Variants in STRN4 observed in about 807,000 individuals in gnomAD.
STRN4 encodes the protein striatin 4, also known as striatin-4.
In STRN4, 27 loss-of-function variants were observed where a neutral mutation model predicts 77.9. The observed-to-expected ratio is 0.35, with a 90% confidence interval of 0.26 to 0.48. The LOEUF is 0.48. Among genes scored for constraint, STRN4 ranks in the 20% least tolerant of loss-of-function variants. The pLI is 0.99. For synonymous variants in STRN4, 466 were observed against 443.1 expected (o/e 1.05, Z -0.65); for missense variants, 798 against 1,049.7 (o/e 0.76, Z 3.31).
chr19:46,723,090 T>C lies in STRN4; in HGVS notation c.1765+24A>G. ...CTCCAGATCCCGCACAGCTCCAGGG[T>C]GAGGCACCGGGGCCCCCACTCACCG... is the stretch of plus-strand genomic sequence containing the variant. On this transcript the variant is annotated intron_variant, in intron 13 of 17. Transcript: ENST00000263280. This position sits in a 1 kb window ranked among gnomAD's most constrained non-coding sequence, Gnocchi z 5.5. 1.9e-6 allele frequency: 3 copies of C among 1,559,642 alleles called. 1 individual carries two copies. The highest frequency in any genetic ancestry group is 2.3e-5 in the South Asian group (2 of 85,734).
At position 46,727,472 on chromosome 19, in the gene STRN4, CGTT is replaced by C; in HGVS notation, c.1225_1227del (p.Asn409del). On this transcript the variant is annotated inframe_deletion, in exon 9 of 18. Coordinates refer to ENST00000263280, the MANE Select transcript of STRN4 (RefSeq NM_013403.3). Reference sequence around the variant, plus strand: ...CTTACATCGCAGCTGAGGTCGTTGTCGTTGGTGACGGTGAGATCTGCCAAGTCC... The same window carrying C: ...CTTACATCGCAGCTGAGGTCGTTGTCGGTGACGGTGAGATCTGCCAAGTCC... The C allele has an allele frequency of 6.2e-7, 1 of 1,613,968 alleles. No individual in the cohort carries two copies. Among genetic ancestry groups the C allele is most frequent in the Non-Finnish European group, 8.5e-7 (1 of 1,179,940 alleles).
intron 6 of STRN4, among the ~76,000 whole-genome samples, chr19:46,729,748 C>G (rs1471214339): frequency 6.6e-6 from 1 of 152,190 alleles, no homozygotes; most frequent in East Asian, 1.9e-4. Flanking sequence ...CTACTGAGCA[C>G]TTGGGGGACA....
At chr19:46,728,360 GC>G in intron 7 of STRN4, 3 of 592,164 alleles carry the variant, frequency 5.1e-6, no homozygotes, top group Non-Finnish European at 8.9e-6. Context: ...AGAGCTGGAC[GC>G]CCGCCCTGGA....
At chr19:46,725,422 ACCCCCGTCCCCAGATGCCCCTG>A in intron 10 of STRN4, 29 bp downstream of exon 10, 1 of 1,613,228 alleles carries the variant, frequency 6.2e-7, no homozygotes, top group Non-Finnish European at 8.5e-7. Flanking sequence ...AGACCCTGTC[ACCCCCGTCCCCAGATGCCCCTG>A]CCCCCGGCTC....
chr19:46,722,529 G>A (rs1470913611), intron 14 of STRN4, among the ~76,000 whole-genome samples, 189 bp from the exon 15 acceptor site: 1 of 88,678 alleles, frequency 1.1e-5, no homozygotes, highest in Non-Finnish European at 2.3e-5. Flanking sequence ...GCCCTGTTTT[G>A]GGGCGGGGGA....
intron 6 of STRN4, 74 bp from the exon 7 acceptor site, chr19:46,728,851 C>T (rs191271094): frequency 4.8e-5 from 76 of 1,575,970 alleles, no homozygotes; most frequent in Non-Finnish European, 5.8e-5. Flanking sequence ...TGCCTAGGAA[C>T]AGGTAAGCCG....
At chr19:46,722,718 G>A in intron 14 of STRN4, 92 bp downstream of exon 14, 2 of 1,558,690 alleles carry the variant, frequency 1.3e-6, no homozygotes, top group Non-Finnish European at 1.7e-6. Context: ...AGTCATCTGA[G>A]CTGACTGACA....
rs1386715740 is a variant in STRN4 at position 46,741,927 on chromosome 19, G to A, written c.283-3039C>T. Among the ~76,000 whole-genome samples the A allele has an allele frequency of 6.6e-6, 1 of 152,258 alleles. No individual in the cohort carries two copies. The highest frequency in any genetic ancestry group is 1.5e-5 in the Non-Finnish European group (1 of 68,048). On this transcript the variant is annotated intron_variant, in intron 1 of 17. Transcript: ENST00000263280. This position sits in a 1 kb window ranked among gnomAD's most constrained non-coding sequence, Gnocchi z 4.9. ...GGCCCCCAGGAAGCTGAAGTGGGCA[G>A]GGGCAGCTCCGCACATTCTCTGCTG...
At position 46,737,193 on chromosome 19, in the gene STRN4, T is replaced by C. The variant is rs140891792; in HGVS notation, c.461-292A>G. 3.4e-3 allele frequency among the ~76,000 whole-genome samples: 522 copies of C among 152,364 alleles called. 3 individuals carry two copies. Among genetic ancestry groups the C allele is most frequent in the African/African-American group, 0.012 (480 of 41,584 alleles). On this transcript the variant is annotated intron_variant, in intron 3 of 17. Transcript: ENST00000263280. The stretch of plus-strand genomic sequence containing the variant: ...GCCTGGTTCTGAGAGAAGGGCCGAC[T>C]GGGTTCAAGCCCAGCTCTGCCCCAT...
chr19:46,724,728 G>A lies in STRN4; in HGVS notation c.1594+79C>T, dbSNP rs1300926986. On this transcript the variant is annotated intron_variant, in intron 12 of 17. Transcript: ENST00000263280. ...GAGGCCTGCAGTGTTGGCAAGAGGT[G>A]GACGCGACGTGTGTGTGCGTGGAGG... The A allele has an allele frequency of 9.4e-6, 15 of 1,593,932 alleles. No individual in the cohort carries two copies. In the Admixed American group the frequency reaches 2.4e-4, roughly 25 times the overall value.
rs931009442 is a variant in STRN4, at chr19:46,738,683, C to T, written c.386+102G>A. ...CTGGAATGATGGAAAAGAATGTCGA[C>T]CCCAAATCTCCCTTAGCTGGAAGGA... is the stretch of plus-strand genomic sequence containing the variant. On this transcript the variant is annotated intron_variant, in intron 2 of 17. Transcript: ENST00000263280. This position sits in a 1 kb window ranked among gnomAD's most constrained non-coding sequence, Gnocchi z 4.5. 2.8e-6 allele frequency: 3 copies of T among 1,085,202 alleles called. No individual in the cohort carries two copies. Among genetic ancestry groups the T allele is most frequent in the Non-Finnish European group, 4.2e-6 (3 of 708,860 alleles). The allele number at this position is 1,085,202 out of a possible 1,614,324, so 67.2% of individuals were successfully genotyped here. A position where few individuals can be genotyped will look rare whatever the true frequency, so the allele number is the denominator to read the frequency against.
At position 46,738,168 on chromosome 19, in the gene STRN4, T is replaced by C. The variant is rs1299554072; in HGVS notation, c.456A>G (p.Glu152=). 1 of 1,614,076 alleles carries C rather than the reference T, an allele frequency of 6.2e-7. No homozygotes were observed. Among genetic ancestry groups the C allele is most frequent in the Non-Finnish European group, 8.5e-7 (1 of 1,180,000 alleles). ...NQGEKKADVS[E]QVSNGPVESV... is the part of the protein sequence containing the mutation. ...CGAGCATCAGAGGGTGGGTACCTTG[T>C]TCTGACACATCTGCTTTCTTCTCCC... Residue 152 remains glutamate (E), a synonymous_variant, in exon 3 of 18, where the codon GAA becomes GAG. Transcript: ENST00000263280. This position sits in a 1 kb window ranked among gnomAD's most constrained non-coding sequence, Gnocchi z 4.5.
intron 1 of STRN4, among the ~76,000 whole-genome samples, chr19:46,745,011 C>A (rs1287073693): frequency 6.6e-6 from 1 of 152,040 alleles, no homozygotes; most frequent in African/African-American, 2.4e-5. Context: ...CCAAGACTTC[C>A]ACAAACATAT....
intron 17 of STRN4, 38 bp from the exon 18 acceptor site, chr19:46,720,376 C>T (rs2053948087): frequency 6.7e-6 from 3 of 444,694 alleles, no homozygotes; most frequent in African/African-American, 2.0e-5. Flanking sequence ...TGAGCCGCCG[C>T]CTCTAGGGCG....
intron 8 of STRN4, 119 bp downstream of exon 8, chr19:46,727,775 A>G (rs1599869564): frequency 2.1e-6 from 2 of 945,700 alleles, no homozygotes; most frequent in Non-Finnish European, 3.1e-6. Context: ...TGGGGCAGGG[A>G]GGCTGCAGAC....
rs773782293 is a variant in STRN4 at position 46,727,999 on chromosome 19, G to A, written c.1048C>T (p.Arg350Trp). 18 of 1,613,720 alleles carry A rather than the reference G, an allele frequency of 1.1e-5. No homozygotes were observed. The highest frequency in any genetic ancestry group is 1.4e-5 in the Non-Finnish European group (17 of 1,179,918). Residue 350 changes from arginine to tryptophan, a missense_variant, in exon 8 of 18, where the codon CGG (arginine) becomes TGG (tryptophan). This residue lies in a region of STRN4 where 511 missense variants were observed against 575.9 expected (regional missense o/e 0.89). Transcript: ENST00000263280. The stretch of plus-strand genomic sequence containing the variant: ...GCCAGAATGCCTTGGAGTTTGACCC[G>A]ACGGCTTTCTGCAGGGTCGAGGCAT... ...DGSPHELESRRVKLQGILADL... is the reference protein window; with the variant it reads ...DGSPHELESRWVKLQGILADL...
intron 16 of STRN4, 175 bp from the exon 17 acceptor site, chr19:46,720,946 C>T: frequency 1.7e-6 from 1 of 599,078 alleles, no homozygotes; most frequent in Non-Finnish European, 2.6e-6. Flanking sequence ...CCCTGGTCCC[C>T]TCCTGTCCAC....
intron 1 of STRN4, among the ~76,000 whole-genome samples, chr19:46,742,097 G>A (rs1172125155): frequency 6.6e-6 from 1 of 152,178 alleles, no homozygotes; most frequent in Non-Finnish European, 1.5e-5. Context: ...AATCAACTGT[G>A]CATGAACATC....
At chr19:46,725,309 C>T in intron 11 of STRN4, 23 bp downstream of exon 11, 4 of 1,614,054 alleles carry the variant, frequency 2.5e-6, no homozygotes, top group African/African-American at 1.3e-5. Context: ...GAGTTTCTAG[C>T]AGGCTCAGGG....
Sources: gnomAD v4.1 joint callset for allele counts (sites outside exome capture counted in the v4.1 genomes callset) on GRCh38, gnomAD v4.1.1 for gene constraint, gnomAD v4.1.1 regional missense constraint, Gnocchi (gnomAD v3.1) non-coding constraint, MANE v1.5 for transcripts, NCBI Gene and HGNC (gene_info 2026-07-23, HGNC 2026-07-21) for gene names.